Variants in HPSE2 observed in about 807,000 individuals in gnomAD.
HPSE2 encodes heparanase 2 (inactive), also known as inactive heparanase-2.
HPSE2 carries 38 observed loss-of-function variants against 60.5 expected under a neutral mutation model. The ratio of observed to expected loss-of-function variants is 0.63; its 90% CI spans 0.48 to 0.82. The LOEUF is 0.82. Among genes scored for constraint, HPSE2 ranks in the 40% least tolerant of loss-of-function variants. The pLI, the probability that HPSE2 is intolerant of heterozygous loss-of-function variation, is 0.00. For missense variants in HPSE2, 713 were observed against 740.4 expected, an observed-to-expected ratio of 0.96 and a Z score of 0.43; for synonymous variants, 295 against 293.2, an observed-to-expected ratio of 1.01 and a Z score of -0.06.
intron 3 of HPSE2, among the ~76,000 whole-genome samples, chr10:98,828,054 C>T (rs1951593640): frequency 6.6e-6 from 1 of 152,168 alleles, no homozygotes; most frequent in South Asian, 2.1e-4. Flanking sequence ...ACTCAAACTT[C>T]AACTCTTCTC....
intron 3 of HPSE2, among the ~76,000 whole-genome samples, chr10:99,060,658 CAAAAAAAAAAAAAAAA>C (rs35034456): frequency 0.016 from 756 of 47,844 alleles, 29 homozygotes; most frequent in African/African-American, 0.067. Context: ...AACTCTGTCT[CAAAAAAAAAAAAAAAA>C]AAAAAAAAAA....
intron 3 of HPSE2, among the ~76,000 whole-genome samples, chr10:99,124,811 TG>T: frequency 6.6e-6 from 1 of 152,340 alleles, no homozygotes; most frequent in South Asian, 2.1e-4. Context: ...GCTTCAGCTT[TG>T]TCTGGAAAGA....
intron 6 of HPSE2, among the ~76,000 whole-genome samples, chr10:98,690,207 T>G (rs890487939): frequency 6.6e-6 from 1 of 152,176 alleles, no homozygotes; most frequent in African/African-American, 2.4e-5. Context: ...TGCATTTCTG[T>G]TTGAGTTCTA....
At chr10:98,991,697 T>C (rs1956528515) in intron 3 of HPSE2, among the ~76,000 whole-genome samples, 1 of 151,946 alleles carries the variant, frequency 6.6e-6, no homozygotes, top group Non-Finnish European at 1.5e-5. Context: ...AGGAGGGAAA[T>C]TAAGTGCTGT....
At chr10:98,830,649 T>C (rs943958913) in intron 3 of HPSE2, among the ~76,000 whole-genome samples, 5 of 152,180 alleles carry the variant, frequency 3.3e-5, no homozygotes, top group African/African-American at 7.2e-5. Flanking sequence ...CTCCCAACAT[T>C]ATGAAAATTT....
chr10:98,605,523 T>C (rs1254884414), intron 9 of HPSE2, among the ~76,000 whole-genome samples: 2 of 152,210 alleles, frequency 1.3e-5, no homozygotes, highest in Non-Finnish European at 2.9e-5. Context: ...TGTTCTGCCA[T>C]TCTCGTTTCA....
chr10:99,287,603 G>C, the HPSE2 span, among the ~76,000 whole-genome samples: 1 of 152,134 alleles, frequency 6.6e-6, no homozygotes, highest in East Asian at 1.9e-4. Context: ...GTTTCTTGCA[G>C]CAGATCCTCT....
intron 9 of HPSE2, among the ~76,000 whole-genome samples, chr10:98,501,966 CAAACTT>C (rs1942042108): frequency 6.8e-6 from 1 of 147,636 alleles, no homozygotes; most frequent in Non-Finnish European, 1.5e-5. Context: ...AAAAAAAAAA[CAAACTT>C]AAAAATATAC....
chr10:98,524,080 G>A (rs893742702), intron 9 of HPSE2, among the ~76,000 whole-genome samples: 4 of 152,252 alleles, frequency 2.6e-5, no homozygotes, highest in South Asian at 4.2e-4. Context: ...CTCAAGACAC[G>A]CAACCAGTAC....
intron 3 of HPSE2, among the ~76,000 whole-genome samples, chr10:99,000,909 TCCTGTC>T (rs1956763404): frequency 1.3e-5 from 2 of 152,094 alleles, no homozygotes; most frequent in Non-Finnish European, 2.9e-5. Flanking sequence ...TCAAATCCTG[TCCTGTC>T]CCCTGCGTGC....
At chr10:99,059,091 T>C (rs2135518555) in intron 3 of HPSE2, among the ~76,000 whole-genome samples, 1 of 152,332 alleles carries the variant, frequency 6.6e-6, no homozygotes, top group South Asian at 2.1e-4. Flanking sequence ...CTTCCTTTGA[T>C]TTTTTTCAAT....
intron 7 of HPSE2, among the ~76,000 whole-genome samples, chr10:98,626,105 C>CAA (rs577298322): frequency 1.7e-3 from 130 of 75,478 alleles, no homozygotes; most frequent in African/African-American, 4.9e-3. Context: ...GACTCCGTCT[C>CAA]AAAAAAAAAA....
intron 3 of HPSE2, among the ~76,000 whole-genome samples, chr10:98,844,014 T>C (rs1014886964): frequency 2.0e-5 from 3 of 152,234 alleles, no homozygotes; most frequent in Admixed American, 2.0e-4. Context: ...AATTCCCTGA[T>C]GCTTCTGGAG....
intron 9 of HPSE2, among the ~76,000 whole-genome samples, chr10:98,578,991 T>C (rs758766852): frequency 6.6e-6 from 1 of 152,232 alleles, no homozygotes; most frequent in Non-Finnish European, 1.5e-5. Flanking sequence ...AGATAAGATA[T>C]TGTGAAATTT....
At chr10:98,983,937 G>A (rs910122183) in intron 3 of HPSE2, among the ~76,000 whole-genome samples, 4 of 152,212 alleles carry the variant, frequency 2.6e-5, no homozygotes, top group African/African-American at 9.6e-5. Flanking sequence ...CAGCAGCCAG[G>A]CTCGGGGAGG....
chr10:98,700,516 C>A (rs1343518646), intron 5 of HPSE2, among the ~76,000 whole-genome samples: 2 of 128,508 alleles, frequency 1.6e-5, no homozygotes, highest in Non-Finnish European at 3.5e-5. Context: ...AAGACTTAAA[C>A]ATTAGACCTA....
At position 98,490,065 on chromosome 10, in the gene HPSE2, G is replaced by T; in HGVS notation, c.1452C>A (p.Cys484Ter). Residue 484 changes from cysteine to a stop codon, truncating the protein, a stop_gained, in exon 10 of 12, where the codon TGC becomes TGA. Transcript: ENST00000370552. LOFTEE classifies it high-confidence loss of function. Reference protein sequence around the residue: ...IRDKLRIYAHCTNHHNHNYVR... With the variant: ...IRDKLRIYAH ...TGAGGACTTACTTGTGGTGGTTTGTGCAGTGAGCATAAATCCTTAGTTTGT... is the reference window on the plus strand; with the variant it reads ...TGAGGACTTACTTGTGGTGGTTTGTTCAGTGAGCATAAATCCTTAGTTTGT... 6.2e-7 allele frequency: 1 copy of T among 1,614,200 alleles called. No individual in the cohort carries two copies. Among genetic ancestry groups the T allele is most frequent in the Non-Finnish European group, 8.5e-7 (1 of 1,180,022 alleles).
At position 98,482,659 on chromosome 10, in the gene HPSE2, A is replaced by G; in HGVS notation, c.1590T>C (p.Tyr530=). The G allele has an allele frequency of 6.2e-7, 1 of 1,614,108 alleles. No homozygotes were observed. Among genetic ancestry groups the G allele is most frequent in the Non-Finnish European group, 8.5e-7 (1 of 1,180,014 alleles). The change falls in exon 11 of 12, where the codon TAT becomes TAC. Residue 530 remains tyrosine (Y), a synonymous_variant. Coordinates refer to ENST00000370552, the MANE Select transcript of HPSE2 (RefSeq NM_021828.5). ...ACTTGGACTTTAGGCCCTCCTGCCC[A>G]TAGGGCTGCAGCAGGTACTGGTGAA... The part of the protein sequence containing the change: ...KLVHQYLLQP[Y]GQEGLKSKSV...
intron 3 of HPSE2, among the ~76,000 whole-genome samples, chr10:98,796,371 C>A (rs1950780060): frequency 6.6e-6 from 1 of 152,156 alleles, no homozygotes; most frequent in Non-Finnish European, 1.5e-5. Context: ...AAGTGAACAT[C>A]AGCAGTGGCC....
Sources: gnomAD v4.1 joint callset for allele counts (sites outside exome capture counted in the v4.1 genomes callset) on GRCh38, gnomAD v4.1.1 for gene constraint, MANE v1.5 for transcripts, NCBI Gene and HGNC (gene_info 2026-07-23, HGNC 2026-07-21) for gene names.